FBXO45: variants seen among roughly 807,000 people sequenced by gnomAD.
FBXO45 encodes F-box/SPRY domain-containing protein 1.
In FBXO45, 3 loss-of-function variants were observed where a neutral mutation model predicts 25.5. The observed-to-expected ratio is 0.12, with a 90% CI of 0.05 to 0.30. The LOEUF (loss-of-function observed/expected upper bound fraction) is 0.30, where lower values mean the gene tolerates loss of function less well. Ranked by LOEUF, FBXO45 falls within the 10% of genes least tolerant of loss-of-function variation. The probability of loss-of-function intolerance (pLI) is 1.00; values close to 1 mark genes in which losing one functional copy is unlikely to be tolerated. For synonymous variants in FBXO45, 155 were observed against 149.8 expected (o/e 1.03, Z -0.25); for missense variants, 219 against 365.0 (o/e 0.60, Z 3.26).
At chr3:196,582,986 A>T (rs1176145307) in intron 2 of FBXO45, among the ~76,000 whole-genome samples, 1 of 151,910 alleles carries the variant, frequency 6.6e-6, no homozygotes, top group Non-Finnish European at 1.5e-5. Context: ...CTTTTTCCTC[A>T]CCCCAACATA....
intron 1 of FBXO45, among the ~76,000 whole-genome samples, chr3:196,570,838 A>G (rs909211818): frequency 2.0e-5 from 3 of 150,448 alleles, no homozygotes; most frequent in African/African-American, 7.4e-5. Flanking sequence ...CAGCCTCCTG[A>G]GTAGCTGGGA....
intron 1 of FBXO45, among the ~76,000 whole-genome samples, chr3:196,575,380 C>T (rs909871261): frequency 6.6e-6 from 1 of 151,098 alleles, no homozygotes; most frequent in Non-Finnish European, 1.5e-5. Context: ...ATCGCTTGAA[C>T]CCAGGAGGCA....
intron 2 of FBXO45, among the ~76,000 whole-genome samples, chr3:196,580,196 G>GT (rs1264080558): frequency 2.0e-4 from 25 of 124,190 alleles, no homozygotes; most frequent in Non-Finnish European, 3.8e-4. Flanking sequence ...TAGAGAAGGG[G>GT]TTTCTTTTTT....
At position 196,577,626 on chromosome 3, in the gene FBXO45, T is replaced by G; in HGVS notation, c.492T>G (p.Pro164=). 4 of 1,613,798 alleles carry G rather than the reference T, an allele frequency of 2.5e-6. No individual in the cohort carries two copies. Among genetic ancestry groups the G allele is most frequent in the Non-Finnish European group, 2.5e-6 (3 of 1,179,758 alleles). The change falls in exon 2 of 3, where the codon CCT becomes CCG. Residue 164 remains proline, a synonymous_variant. Transcript: ENST00000311630. The part of the protein sequence containing the change: ...RHAWEVWWEG[P]LGTVAVIGIA... ...CATGGGAAGTGTGGTGGGAGGGCCC[T>G]CTGGGCACTGTGGCAGTGATTGGAA... is the stretch of plus-strand genomic sequence containing the variant.
rs1160687293 is a variant in FBXO45 at position 196,586,807 on chromosome 3, G to C, written c.*2489G>C. 2 of 152,222 alleles carry C rather than the reference G, an allele frequency of 1.3e-5. No homozygotes were observed. Among genetic ancestry groups the C allele is most frequent in the Non-Finnish European group, 2.9e-5 (2 of 68,026 alleles). The allele number at this position is 152,222 out of a possible 1,614,324, so 9.4% of individuals were successfully genotyped here. A position where few individuals can be genotyped will look rare whatever the true frequency, so the allele number is the denominator to read the frequency against. On this transcript the variant is annotated 3_prime_UTR_variant, in exon 3 of 3. Coordinates refer to ENST00000311630, the MANE Select transcript of FBXO45 (RefSeq NM_001105573.2). The stretch of plus-strand genomic sequence containing the variant: ...GGTCTGGAATATGAGCTGGTCATAA[G>C]GATTTTTAAAAACTTTCTGGTCATT...
rs1219700933 is a variant in FBXO45, at chr3:196,584,122, T to A, written c.676-11T>A. On this transcript the variant is annotated splice_polypyrimidine_tract_variant and intron_variant, in intron 2 of 2. Transcript: ENST00000311630. This position sits in a 1 kb window ranked among gnomAD's most constrained non-coding sequence, Gnocchi z 4.3. The stretch of plus-strand genomic sequence containing the variant: ...CAGATTTTCTTCTAACCTTTTGATA[T>A]CTGTTTGCAGATAGGAGAAAGAATT... 1.2e-6 allele frequency: 2 copies of A among 1,611,722 alleles called. No individual in the cohort carries two copies. The highest frequency in any genetic ancestry group is 3.4e-5 in the Admixed American group (2 of 59,320).
At position 196,587,695 on chromosome 3, in the gene FBXO45, T is replaced by C. The variant is rs1208362455; in HGVS notation, c.*3377T>C. On this transcript the variant is annotated 3_prime_UTR_variant, in exon 3 of 3. Coordinates refer to ENST00000311630, the MANE Select transcript of FBXO45 (RefSeq NM_001105573.2). Reference sequence around the variant, plus strand: ...TGCCACTATACCCAGCTTTAACTTTTAAATCCCCAAACTATGTAGATTGTC... The same window carrying C: ...TGCCACTATACCCAGCTTTAACTTTCAAATCCCCAAACTATGTAGATTGTC... 1 of 152,196 alleles carries C rather than the reference T, an allele frequency of 6.6e-6. No homozygotes were observed. Among genetic ancestry groups the C allele is most frequent in the Non-Finnish European group, 1.5e-5 (1 of 68,034 alleles). The allele number at this position is 152,196 out of a possible 1,614,324, so 9.4% of individuals were successfully genotyped here. A position where few individuals can be genotyped will look rare whatever the true frequency, so the allele number is the denominator to read the frequency against.
chr3:196,573,664 A>C (rs1735865546), intron 1 of FBXO45, among the ~76,000 whole-genome samples: 1 of 152,200 alleles, frequency 6.6e-6, no homozygotes, highest in Non-Finnish European at 1.5e-5. Context: ...TGGATAACAG[A>C]GAATGATAGG....
At chr3:196,570,398 C>T (rs1389302788) in intron 1 of FBXO45, among the ~76,000 whole-genome samples, 2 of 151,852 alleles carry the variant, frequency 1.3e-5, no homozygotes, top group African/African-American at 2.4e-5. Flanking sequence ...CCACCATGCC[C>T]GGCTAATTTT....
chr3:196,569,727 A>G lies in FBXO45; in HGVS notation c.318+425A>G, dbSNP rs186607988. 6.6e-6 allele frequency among the ~76,000 whole-genome samples: 1 copy of G among 152,156 alleles called. No individual in the cohort carries two copies. Among genetic ancestry groups the G allele is most frequent in the African/African-American group, 2.4e-5 (1 of 41,484 alleles). ...TAAGTTTCTAGTTTGCTTTCACTCC[A>G]CGTTTATCTCATCTTTTCCAAGCTC... On this transcript the variant is annotated intron_variant, in intron 1 of 2. Coordinates refer to ENST00000311630, the MANE Select transcript of FBXO45 (RefSeq NM_001105573.2). This position sits in a 1 kb window ranked among gnomAD's most constrained non-coding sequence, Gnocchi z 4.1.
Position 196,584,020 on chromosome 3 carries a change from A to T in FBXO45, c.676-113A>T. On this transcript the variant is annotated intron_variant, in intron 2 of 2. Transcript: ENST00000311630. The surrounding 1 kb of genome is among the most constrained non-coding windows in gnomAD (Gnocchi z 4.3). Reference sequence around the variant, plus strand: ...AGAAAGCTTCCCTTCTGATTTTTCTAGATAGCTTTCAGGATAATATTCTTA... The same window carrying T: ...AGAAAGCTTCCCTTCTGATTTTTCTTGATAGCTTTCAGGATAATATTCTTA... 2.0e-6 allele frequency: 2 copies of T among 1,007,332 alleles called. No homozygotes were observed. The highest frequency in any genetic ancestry group is 2.9e-6 in the Non-Finnish European group (2 of 686,440). The allele number at this position is 1,007,332 out of a possible 1,614,324, so 62.4% of individuals were successfully genotyped here.
At chr3:196,572,469 A>G (rs937654170) in intron 1 of FBXO45, among the ~76,000 whole-genome samples, 2 of 152,222 alleles carry the variant, frequency 1.3e-5, no homozygotes, top group African/African-American at 4.8e-5. Flanking sequence ...GACCTGAAGG[A>G]TGATAAGTAG....
At position 196,586,911 on chromosome 3, in the gene FBXO45, A is replaced by C. The variant is rs1736120488; in HGVS notation, c.*2593A>C. 2 of 152,308 alleles carry C rather than the reference A, an allele frequency of 1.3e-5. No individual in the cohort carries two copies. Among genetic ancestry groups the C allele is most frequent in the African/African-American group, 4.8e-5 (2 of 41,562 alleles). The allele number at this position is 152,308 out of a possible 1,614,324, so 9.4% of individuals were successfully genotyped here. On this transcript the variant is annotated 3_prime_UTR_variant, in exon 3 of 3. Transcript: ENST00000311630. ...CTCATCTGCAAAATAGAAAAAAAAA[A>C]ATCCTTGCTCCCTCCCTTCACTACC...
Position 196,585,928 on chromosome 3 carries a change from G to C in FBXO45, c.*1610G>C, listed in dbSNP as rs1736100409. On this transcript the variant is annotated 3_prime_UTR_variant, in exon 3 of 3. Transcript: ENST00000311630. The stretch of plus-strand genomic sequence containing the variant: ...TTGTCAATACTCCTGTGAAGCAAGG[G>C]ATTTCAGCCATAGAACAAAGATTTA... The C allele has an allele frequency of 6.6e-6, 1 of 152,216 alleles. No individual in the cohort carries two copies. The highest frequency in any genetic ancestry group is 1.9e-4 in the East Asian group (1 of 5,202). The allele number at this position is 152,216 out of a possible 1,614,324, so 9.4% of individuals were successfully genotyped here.
Position 196,577,710 on chromosome 3 carries a change from T to C in FBXO45, c.576T>C (p.Asp192=), listed in dbSNP as rs1735937474. The C allele has an allele frequency of 6.2e-7, 1 of 1,613,992 alleles. No individual in the cohort carries two copies. Among genetic ancestry groups the C allele is most frequent in the Non-Finnish European group, 8.5e-7 (1 of 1,179,892 alleles). ...GTTATGTGGCATTGCTGGGCAGTGA[T>C]GACCAGAGCTGGGGCTGGAATCTGG... ...CQGYVALLGS[D]DQSWGWNLVD... is the part of the protein sequence containing the mutation. Residue 192 remains aspartate (D), a synonymous_variant, in exon 2 of 3, where the codon GAT becomes GAC. Coordinates refer to ENST00000311630, the MANE Select transcript of FBXO45 (RefSeq NM_001105573.2).
chr3:196,581,778 T>C (rs1736016322), intron 2 of FBXO45, among the ~76,000 whole-genome samples: 1 of 152,016 alleles, frequency 6.6e-6, no homozygotes, highest in Non-Finnish European at 1.5e-5. Flanking sequence ...GTGTAGATAA[T>C]ATGTAGTAGT....
At chr3:196,573,234 T>A (rs568559260) in intron 1 of FBXO45, among the ~76,000 whole-genome samples, 1 of 152,166 alleles carries the variant, frequency 6.6e-6, no homozygotes, top group East Asian at 1.9e-4. Context: ...TAGGCAGCTG[T>A]TGGAGGTTGG....
Position 196,569,697 on chromosome 3 carries a change from GT to G in FBXO45, c.318+398del, listed in dbSNP as rs1463978127. Reference sequence around the variant, plus strand: ...ACCTTAACATGGGCTTAGTTTCTAAGTTTCTAAGTTTCTAGTTTGCTTTCAC... The same window carrying G: ...ACCTTAACATGGGCTTAGTTTCTAAGTTCTAAGTTTCTAGTTTGCTTTCAC... On this transcript the variant is annotated intron_variant, in intron 1 of 2. Transcript: ENST00000311630. The surrounding 1 kb of genome is among the most constrained non-coding windows in gnomAD (Gnocchi z 4.1). 6.6e-6 allele frequency among the ~76,000 whole-genome samples: 1 copy of G among 152,166 alleles called. No homozygotes were observed. Among genetic ancestry groups the G allele is most frequent in the East Asian group, 1.9e-4 (1 of 5,198 alleles).
chr3:196,584,074 G>C lies in FBXO45; in HGVS notation c.676-59G>C. 1 of 1,497,062 alleles carries C rather than the reference G, an allele frequency of 6.7e-7. No individual in the cohort carries two copies. The highest frequency in any genetic ancestry group is 9.1e-7 in the Non-Finnish European group (1 of 1,098,100). 92.7% of individuals were successfully genotyped at this position (1,497,062 alleles called of 1,614,324 possible). On this transcript the variant is annotated intron_variant, in intron 2 of 2. Transcript: ENST00000311630. The surrounding 1 kb of genome is among the most constrained non-coding windows in gnomAD (Gnocchi z 4.3). ...TTTTCAACTTCTTGATTTGTGTCTT[G>C]TTTCTTCTAGCTACACCCTTGGCAG...
Sources: gnomAD v4.1 joint callset for allele counts (sites outside exome capture counted in the v4.1 genomes callset) on GRCh38, gnomAD v4.1.1 for gene constraint, Gnocchi (gnomAD v3.1) non-coding constraint, MANE v1.5 for transcripts, NCBI Gene and HGNC (gene_info 2026-07-23, HGNC 2026-07-21) for gene names.